The following SPOPL variants were observed in gnomAD, a reference collection of about 807,000 sequenced individuals.
The protein encoded by SPOPL is speckle-type POZ protein-like.
In SPOPL, 23 loss-of-function variants were observed where a neutral mutation model predicts 53.8. The observed-to-expected ratio is 0.43, with a 90% CI of 0.31 to 0.61. The LOEUF is 0.61. SPOPL is among the 20% of genes least tolerant of loss of function. The pLI is 0.12. For missense variants in SPOPL, 442 were observed against 466.9 expected (o/e 0.95, Z 0.49); for synonymous variants, 164 against 149.7 (o/e 1.10, Z -0.70).
chr2:138,502,914 C>CT (rs1434238563), intron 1 of SPOPL, among the ~76,000 whole-genome samples: 2 of 152,232 alleles, frequency 1.3e-5, no homozygotes, highest in Admixed American at 6.5e-5. Flanking sequence ...CTTATCCTAA[C>CT]TTTCGCTTGT....
chr2:138,549,789 A>G (rs1685274303), intron 1 of SPOPL, among the ~76,000 whole-genome samples: 1 of 152,106 alleles, frequency 6.6e-6, no homozygotes, highest in Admixed American at 6.6e-5. Context: ...GGTTTTCATG[A>G]CTATGTCAAT....
intron 2 of SPOPL, 87 bp downstream of exon 2, chr2:138,550,381 G>C: frequency 6.3e-7 from 1 of 1,584,780 alleles, no homozygotes; most frequent in South Asian, 1.1e-5. Context: ...CTTTGCCATA[G>C]TTATTAGAAG....
chr2:138,565,682 AC>A (rs1685645312), intron 10 of SPOPL, among the ~76,000 whole-genome samples: 1 of 152,030 alleles, frequency 6.6e-6, no homozygotes. Flanking sequence ...TTGCCTATAA[AC>A]CCTTAAATTT....
chr2:138,513,531 CA>C (rs2104857774), intron 1 of SPOPL, among the ~76,000 whole-genome samples: 1 of 152,068 alleles, frequency 6.6e-6, no homozygotes, highest in Non-Finnish European at 1.5e-5. Context: ...GTGTAGGCGA[CA>C]GAGTGAGATT....
chr2:138,558,216 A>T (rs1319159184), intron 5 of SPOPL, among the ~76,000 whole-genome samples: 1 of 152,170 alleles, frequency 6.6e-6, no homozygotes, highest in Non-Finnish European at 1.5e-5. Flanking sequence ...AAGACTTAAT[A>T]GTGTTTTAGG....
intron 1 of SPOPL, among the ~76,000 whole-genome samples, chr2:138,531,815 C>T (rs1684816770): frequency 6.6e-6 from 1 of 151,646 alleles, no homozygotes; most frequent in Non-Finnish European, 1.5e-5. Context: ...AGCTTTTATT[C>T]ATAAGCGTCT....
chr2:138,546,986 G>C (rs1053915546), intron 1 of SPOPL, among the ~76,000 whole-genome samples: 4 of 151,984 alleles, frequency 2.6e-5, no homozygotes, highest in African/African-American at 9.7e-5. Context: ...TTATTTTTGA[G>C]ATGGAGTCTC....
At chr2:138,542,946 C>G (rs1237652791) in intron 1 of SPOPL, among the ~76,000 whole-genome samples, 1 of 152,186 alleles carries the variant, frequency 6.6e-6, no homozygotes, top group Non-Finnish European at 1.5e-5. Flanking sequence ...GACAGAATCT[C>G]TCAGCATTTG....
intron 1 of SPOPL, among the ~76,000 whole-genome samples, chr2:138,525,036 A>G (rs559644258): frequency 1.3e-5 from 2 of 152,082 alleles, no homozygotes; most frequent in East Asian, 3.9e-4. Flanking sequence ...GCCCCACTCT[A>G]CTGGTACCAG....
chr2:138,565,448 C>CA (rs529285086), intron 10 of SPOPL, among the ~76,000 whole-genome samples: 338 of 152,222 alleles, frequency 2.2e-3, no homozygotes, highest in African/African-American at 7.2e-3. Context: ...CCTAATAGTC[C>CA]AAAAATGGTA....
chr2:138,568,345 T>C (rs943148778), intron 10 of SPOPL, among the ~76,000 whole-genome samples: 1 of 151,944 alleles, frequency 6.6e-6, no homozygotes, highest in African/African-American at 2.4e-5. Flanking sequence ...TTTAGGTGAC[T>C]GGAAAGGTAG....
Position 138,560,883 on chromosome 2 carries a change from A to T in SPOPL, c.793A>T (p.Asn265Tyr). The T allele has an allele frequency of 1.2e-6, 2 of 1,611,314 alleles. No individual in the cohort carries two copies. Among genetic ancestry groups the T allele is most frequent in the Non-Finnish European group, 1.7e-6 (2 of 1,179,164 alleles). The change falls in exon 8 of 11, where the codon AAC becomes TAC. Residue 265 changes from asparagine to tyrosine, a missense_variant. Transcript: ENST00000280098. Reference sequence around the variant, plus strand: ...ATTCATTTACACAGGGAGAGCACCAAACCTTGACAAAATGGCTGACAACTT... The same window carrying T: ...ATTCATTTACACAGGGAGAGCACCATACCTTGACAAAATGGCTGACAACTT... ...MRFIYTGRAP[N>Y]LDKMADNLLA...
intron 5 of SPOPL, among the ~76,000 whole-genome samples, chr2:138,558,676 T>A (rs926651447): frequency 6.6e-6 from 1 of 152,032 alleles, no homozygotes; most frequent in Non-Finnish European, 1.5e-5. Context: ...TAAAAAAAAT[T>A]TTTTTCTCCA....
chr2:138,545,970 T>G (rs1685186381), intron 1 of SPOPL, among the ~76,000 whole-genome samples: 1 of 152,224 alleles, frequency 6.6e-6, no homozygotes, highest in Non-Finnish European at 1.5e-5. Context: ...TAATCAACAA[T>G]TCAGGATACA....
At chr2:138,546,854 G>A (rs1240272601) in intron 1 of SPOPL, among the ~76,000 whole-genome samples, 10 of 152,214 alleles carry the variant, frequency 6.6e-5, no homozygotes, top group Admixed American at 6.5e-4. Context: ...CATACAGTCT[G>A]TTCACTCAGA....
intron 1 of SPOPL, among the ~76,000 whole-genome samples, chr2:138,513,644 G>A (rs112592466): frequency 0.033 from 5,008 of 151,938 alleles, 265 homozygotes; most frequent in African/African-American, 0.11. Flanking sequence ...GGAAGCTGAG[G>A]CAGGAAGATC....
chr2:138,560,938 A>C lies in SPOPL; in HGVS notation c.837+11A>C, dbSNP rs761501214. The C allele has an allele frequency of 6.2e-7, 1 of 1,600,930 alleles. No individual in the cohort carries two copies. Among genetic ancestry groups the C allele is most frequent in the Non-Finnish European group, 8.5e-7 (1 of 1,176,848 alleles). On this transcript the variant is annotated intron_variant, in intron 8 of 10. Coordinates refer to ENST00000280098, the MANE Select transcript of SPOPL (RefSeq NM_001001664.3). ...GCAGCTGCAGACAAAGTAAGTAATT[A>C]GGTCTTAAGGAACCAAAATATACCC...
chr2:138,550,360 ATTGTGAAACACT>A, intron 2 of SPOPL, 66 bp downstream of exon 2: 1 of 1,597,890 alleles, frequency 6.3e-7, no homozygotes, highest in East Asian at 2.2e-5. Flanking sequence ...TGAGAATAGT[ATTGTGAAACACT>A]TTGCCATAGT....
chr2:138,523,482 A>G (rs916006536), intron 1 of SPOPL, among the ~76,000 whole-genome samples: 2 of 152,000 alleles, frequency 1.3e-5, no homozygotes, highest in Non-Finnish European at 2.9e-5. Context: ...TGCCTTTCCA[A>G]CTGGTTTTGA....
Sources: gnomAD v4.1 joint callset for allele counts (sites outside exome capture counted in the v4.1 genomes callset) on GRCh38, gnomAD v4.1.1 for gene constraint, MANE v1.5 for transcripts, NCBI Gene and HGNC (gene_info 2026-07-23, HGNC 2026-07-21) for gene names.